NXN: variants seen among roughly 807,000 people sequenced by gnomAD.
NXN encodes the protein nucleoredoxin 1.
In NXN, 16 loss-of-function variants were observed where a neutral mutation model predicts 48.6. That is an observed-to-expected ratio of 0.33 (90% CI 0.22 to 0.50). The LOEUF (loss-of-function observed/expected upper bound fraction) is 0.50, where lower values mean the gene tolerates loss of function less well. Among genes scored for constraint, NXN ranks in the 20% least tolerant of loss-of-function variants. The pLI is 0.98. For missense variants in NXN, 492 were observed against 605.5 expected, an observed-to-expected ratio of 0.81 and a Z score of 1.97; for synonymous variants, 281 against 269.6, an observed-to-expected ratio of 1.04 and a Z score of -0.41.
chr17:954,037 C>T (rs1260517619), intron 1 of NXN, among the ~76,000 whole-genome samples: 1 of 152,224 alleles, frequency 6.6e-6, no homozygotes, highest in Non-Finnish European at 1.5e-5. Flanking sequence ...TCACAAAGTA[C>T]TTGAAAGCAC....
Position 978,425 on chromosome 17 carries a change from G to T in NXN, c.360+894C>A, listed in dbSNP as rs1004458805. Reference sequence around the variant, plus strand: ...GGAGACACGAGAAGTTGACAGCAAAGTATCCATTTCCCCAAATCCTCCTTC... The same window carrying T: ...GGAGACACGAGAAGTTGACAGCAAATTATCCATTTCCCCAAATCCTCCTTC... On this transcript the variant is annotated intron_variant, in intron 1 of 7. Coordinates refer to ENST00000336868, the MANE Select transcript of NXN (RefSeq NM_022463.5). This position sits in a 1 kb window ranked among gnomAD's most constrained non-coding sequence, Gnocchi z 4.1. The T allele has an allele frequency of 1.3e-5, 2 of 152,234 alleles. No homozygotes were observed. The highest frequency in any genetic ancestry group is 4.8e-5 in the African/African-American group (2 of 41,370). The allele number at this position is 152,234 out of a possible 1,614,324, so 9.4% of individuals were successfully genotyped here. A position where few individuals can be genotyped will look rare whatever the true frequency, so the allele number is the denominator to read the frequency against.
chr17:974,420 G>A (rs1430115570), intron 1 of NXN, among the ~76,000 whole-genome samples: 1 of 152,056 alleles, frequency 6.6e-6, no homozygotes, highest in Non-Finnish European at 1.5e-5. Flanking sequence ...GTTCAGTAAT[G>A]TGATAGATTC....
intron 1 of NXN, among the ~76,000 whole-genome samples, chr17:886,348 A>C (rs1291048322): frequency 1.3e-5 from 2 of 152,182 alleles, no homozygotes; most frequent in Non-Finnish European, 2.9e-5. Context: ...GCTGGACTAA[A>C]GGGTTTTGCT....
At chr17:875,766 A>T (rs1370513579) in intron 1 of NXN, among the ~76,000 whole-genome samples, 1 of 151,748 alleles carries the variant, frequency 6.6e-6, no homozygotes, top group Non-Finnish European at 1.5e-5. Flanking sequence ...TAAATTAAAA[A>T]AAAAAAAAAA....
intron 1 of NXN, among the ~76,000 whole-genome samples, chr17:974,557 A>G (rs1415137970): frequency 6.6e-6 from 1 of 151,924 alleles, no homozygotes; most frequent in Non-Finnish European, 1.5e-5. Flanking sequence ...CCTTTACACA[A>G]TAAGGCAGGT....
intron 5 of NXN, among the ~76,000 whole-genome samples, chr17:812,016 C>T (rs1019779300): frequency 1.3e-5 from 2 of 149,354 alleles, no homozygotes; most frequent in African/African-American, 2.5e-5. Flanking sequence ...CAAGCTCCGT[C>T]TCCCGGGTTC....
At chr17:957,727 G>C (rs533658485) in intron 1 of NXN, among the ~76,000 whole-genome samples, 1 of 151,614 alleles carries the variant, frequency 6.6e-6, no homozygotes, top group Non-Finnish European at 1.5e-5. Flanking sequence ...CTCCTATCCC[G>C]TCAAGGAGGT....
At chr17:904,104 A>C (rs2068560964) in intron 1 of NXN, among the ~76,000 whole-genome samples, 1 of 152,258 alleles carries the variant, frequency 6.6e-6, no homozygotes, top group Non-Finnish European at 1.5e-5. Context: ...ATTCCTGCCA[A>C]GAATTTTCAT....
At chr17:906,096 A>G (rs2068579051) in intron 1 of NXN, among the ~76,000 whole-genome samples, 1 of 152,220 alleles carries the variant, frequency 6.6e-6, no homozygotes, top group Non-Finnish European at 1.5e-5. Context: ...GAATAGTAAT[A>G]GGACATATTA....
At chr17:842,958 A>AGAAAGAGAGAAAGAG (rs1914419727) in intron 1 of NXN, among the ~76,000 whole-genome samples, 1 of 136,388 alleles carries the variant, frequency 7.3e-6, no homozygotes, top group Admixed American at 7.5e-5. Context: ...AAAGGAAAGA[A>AGAAAGAGAGAAAGAG]AGAAAGAGAG....
At chr17:854,683 G>C (rs1029685633) in intron 1 of NXN, among the ~76,000 whole-genome samples, 1 of 148,786 alleles carries the variant, frequency 6.7e-6, no homozygotes, top group Non-Finnish European at 1.5e-5. Flanking sequence ...TTGCAGCCGG[G>C]CACGGTGGCT....
intron 5 of NXN, among the ~76,000 whole-genome samples, chr17:807,575 G>A (rs1005007179): frequency 8.6e-5 from 13 of 151,988 alleles, no homozygotes; most frequent in Non-Finnish European, 1.5e-4. Context: ...GCGAGGACAC[G>A]GAGCCCCCAC....
At chr17:943,647 C>G (rs955003995) in intron 1 of NXN, among the ~76,000 whole-genome samples, 80 of 151,702 alleles carry the variant, frequency 5.3e-4, no homozygotes, top group African/African-American at 1.9e-3. Context: ...CATGGTGAAA[C>G]CCCGTCTGTA....
Position 839,797 on chromosome 17 carries a change from T to TAAAAAAAAAAAAAAAAAAAAAAAAAAA in NXN, c.361-13720_361-13719insTTTTTTTTTTTTTTTTTTTTTTTTTTT, listed in dbSNP as rs553678056. Among the ~76,000 whole-genome samples the TAAAAAAAAAAAAAAAAAAAAAAAAAAA allele has an allele frequency of 6.3e-4, 36 of 57,246 alleles. 2 individuals carry two copies. The highest frequency in any genetic ancestry group is 7.6e-4 in the Admixed American group (4 of 5,286). The allele number at this position is 57,246 out of a possible 152,430, so 37.6% of individuals were successfully genotyped here. A position where few individuals can be genotyped will look rare whatever the true frequency, so the allele number is the denominator to read the frequency against. Reference sequence around the variant, plus strand: ...CAGCCTGGCGACAGAGAGACCTTGTTAAAAAAAAAAAAAAAAAGGCCAGGC... The same window carrying TAAAAAAAAAAAAAAAAAAAAAAAAAAA: ...CAGCCTGGCGACAGAGAGACCTTGTTAAAAAAAAAAAAAAAAAAAAAAAAAAAAAAAAAAAAAAAAAAAAGGCCAGGC... On this transcript the variant is annotated intron_variant, in intron 1 of 7. Coordinates refer to ENST00000336868, the MANE Select transcript of NXN (RefSeq NM_022463.5).
chr17:812,663 G>A (rs1022895582), intron 5 of NXN, among the ~76,000 whole-genome samples: 4 of 150,826 alleles, frequency 2.7e-5, no homozygotes, highest in Non-Finnish European at 5.9e-5. Context: ...TGTGACTGTA[G>A]GTGTGTGTGA....
At chr17:870,411 C>T (rs1438394827) in intron 1 of NXN, among the ~76,000 whole-genome samples, 3 of 150,120 alleles carry the variant, frequency 2.0e-5, no homozygotes, top group African/African-American at 7.3e-5. Context: ...AGTGAGGCGG[C>T]CTAAGGGAGC....
At chr17:933,090 G>C (rs2068871913) in intron 1 of NXN, among the ~76,000 whole-genome samples, 1 of 152,112 alleles carries the variant, frequency 6.6e-6, no homozygotes, top group Non-Finnish European at 1.5e-5. Flanking sequence ...GATCATTCTG[G>C]GGCCACGAGG....
rs185788622 is a variant in NXN at position 919,700 on chromosome 17, C to T, written c.360+59619G>A. Among the ~76,000 whole-genome samples the T allele has an allele frequency of 4.2e-4, 64 of 152,206 alleles. No homozygotes were observed. Among genetic ancestry groups the T allele is most frequent in the Admixed American group, 1.4e-3 (22 of 15,292 alleles). ...ACCAATCAGCCCTTACCAGGCAGTG[C>T]GTGGCTCCAGAACAACAACTGAAAA... On this transcript the variant is annotated intron_variant, in intron 1 of 7. Transcript: ENST00000336868. The surrounding 1 kb of genome is among the most constrained non-coding windows in gnomAD (Gnocchi z 5.1).
intron 1 of NXN, among the ~76,000 whole-genome samples, chr17:918,971 G>A (rs111530992): frequency 0.21 from 31,290 of 151,280 alleles, 4,400 homozygotes; most frequent in East Asian, 0.6. Context: ...AGGCTGAGGC[G>A]GGAGGATCAC....
Sources: allele counts gnomAD v4.1 joint callset (sites outside exome capture counted in the v4.1 genomes callset), GRCh38; gene constraint gnomAD v4.1.1; non-coding constraint Gnocchi (gnomAD v3.1); transcripts MANE v1.5; gene names NCBI Gene and HGNC (gene_info 2026-07-23, HGNC 2026-07-21).